Variants in XPO6 observed in about 807,000 individuals in gnomAD.
XPO6 encodes exportin 6.
A neutral mutation model predicts 130.0 loss-of-function variants in XPO6; 3 were observed. The ratio of observed to expected loss-of-function variants is 0.02; its 90% CI spans 0.01 to 0.06. XPO6 has a LOEUF of 0.06. Ranked by LOEUF, XPO6 falls within the 10% of genes least tolerant of loss-of-function variation. The pLI is 1.00. For missense variants in XPO6, 970 were observed against 1,393.0 expected, an observed-to-expected ratio of 0.70 and a Z score of 4.83; for synonymous variants, 524 against 548.9, an observed-to-expected ratio of 0.95 and a Z score of 0.63.
intron 9 of XPO6, among the ~76,000 whole-genome samples, chr16:28,141,916 C>T (rs576707355): frequency 1.4e-4 from 21 of 152,362 alleles, no homozygotes; most frequent in African/African-American, 4.8e-4. Context: ...GCCAAGATCG[C>T]GCCACTGCGC....
At chr16:28,119,321 G>A (rs961667886) in intron 14 of XPO6, among the ~76,000 whole-genome samples, 2 of 151,798 alleles carry the variant, frequency 1.3e-5, no homozygotes, top group African/African-American at 4.8e-5. Flanking sequence ...GTCCAGCCTA[G>A]ACACCATTTT....
intron 5 of XPO6, among the ~76,000 whole-genome samples, chr16:28,167,480 C>T (rs1426952096): frequency 1.3e-5 from 2 of 152,202 alleles, no homozygotes; most frequent in Non-Finnish European, 2.9e-5. Context: ...AACCTCTGAC[C>T]TGCTCTCCTC....
Position 28,186,573 on chromosome 16 carries a change from T to C in XPO6, c.4-5542A>G, listed in dbSNP as rs1193795155. On this transcript the variant is annotated intron_variant, in intron 1 of 23. Transcript: ENST00000304658. ...TTTGTAGAGCCTGGGTCTTGCTCTG[T>C]TGCCGAGGTTGGGGTTGAACACCTG... Among the ~76,000 whole-genome samples, 4 of 151,976 alleles carry C rather than the reference T, an allele frequency of 2.6e-5. No individual in the cohort carries two copies. In the East Asian group the frequency reaches 7.7e-4, roughly 29 times the overall value.
chr16:28,139,905 C>CT (rs2042854788), intron 9 of XPO6, among the ~76,000 whole-genome samples: 1 of 152,216 alleles, frequency 6.6e-6, no homozygotes, highest in African/African-American at 2.4e-5. Flanking sequence ...ATTCACCCCC[C>CT]TCTCAGTAAC....
chr16:28,153,958 G>A (rs1466335073), intron 7 of XPO6: 7 of 985,178 alleles, frequency 7.1e-6, no homozygotes, highest in African/African-American at 1.7e-5. Context: ...ATGCGGCCGA[G>A]CTTATTTGCA....
intron 1 of XPO6, among the ~76,000 whole-genome samples, chr16:28,194,844 C>G (rs1285787268): frequency 2.0e-5 from 3 of 151,902 alleles, no homozygotes; most frequent in Admixed American, 6.6e-5. Flanking sequence ...CCTAACCTAG[C>G]TGACTTACTG....
intron 5 of XPO6, among the ~76,000 whole-genome samples, chr16:28,168,024 G>A (rs186673771): frequency 6.6e-6 from 1 of 152,246 alleles, no homozygotes; most frequent in Admixed American, 6.5e-5. Flanking sequence ...GGTGAAGGTT[G>A]CACAACCTCA....
intron 5 of XPO6, among the ~76,000 whole-genome samples, chr16:28,168,616 T>A (rs78898716): frequency 2.0e-5 from 3 of 150,578 alleles, no homozygotes; most frequent in Admixed American, 6.6e-5. Flanking sequence ...TTTTTTTTTT[T>A]AAAGAGACAG....
chr16:28,100,449 C>T (rs1389301260), intron 23 of XPO6, among the ~76,000 whole-genome samples: 2 of 152,188 alleles, frequency 1.3e-5, no homozygotes, highest in Non-Finnish European at 2.9e-5. Flanking sequence ...GAGAACAAGT[C>T]CCAAGAAAAG....
intron 2 of XPO6, 78 bp downstream of exon 2, chr16:28,180,863 C>T (rs2043604311): frequency 5.1e-6 from 6 of 1,177,348 alleles, no homozygotes; most frequent in Admixed American, 4.4e-5. Context: ...TGACCAGTCA[C>T]GGCTACGAAC....
Position 28,169,781 on chromosome 16 carries a change from G to A in XPO6, c.534C>T (p.Asp178=), listed in dbSNP as rs768404046. The A allele has an allele frequency of 1.9e-6, 3 of 1,613,920 alleles. No individual in the cohort carries two copies. The highest frequency in any genetic ancestry group is 3.3e-5 in the Admixed American group (2 of 60,000). ...RKEELRKLLL[D]QVQTVLGLLT... ...GTAGCCCAAGCACTGTCTGCACCTG[G>A]TCCAGTAGCAGCTTCCGCAACTCCT... is the stretch of plus-strand genomic sequence containing the variant. The change falls in exon 5 of 24, where the codon GAC becomes GAT. Residue 178 remains aspartate (D), a synonymous_variant. Coordinates refer to ENST00000304658, the MANE Select transcript of XPO6 (RefSeq NM_015171.4).
chr16:28,161,589 A>G (rs1368258222), intron 6 of XPO6, among the ~76,000 whole-genome samples: 1 of 152,136 alleles, frequency 6.6e-6, no homozygotes, highest in Non-Finnish European at 1.5e-5. Flanking sequence ...AAAACAAAAC[A>G]TCTATAATAA....
intron 1 of XPO6, among the ~76,000 whole-genome samples, chr16:28,192,384 T>C (rs1005312918): frequency 1.3e-5 from 2 of 151,880 alleles, no homozygotes; most frequent in African/African-American, 4.8e-5. Flanking sequence ...TCGGTTGCTA[T>C]AAAGTCTCAA....
intron 23 of XPO6, among the ~76,000 whole-genome samples, chr16:28,099,186 AAC>A (rs1263917464): frequency 6.6e-6 from 1 of 152,196 alleles, no homozygotes; most frequent in Non-Finnish European, 1.5e-5. Context: ...AGCAGCAGCA[AAC>A]ACAGTCCCAA....
At chr16:28,119,826 C>T (rs1014739812) in intron 14 of XPO6, among the ~76,000 whole-genome samples, 2 of 152,038 alleles carry the variant, frequency 1.3e-5, no homozygotes, top group African/African-American at 4.8e-5. Flanking sequence ...GAAGGATTTA[C>T]GGGTGAAGTG....
intron 12 of XPO6, chr16:28,126,574 A>C (rs1277228566): frequency 6.6e-6 from 1 of 152,234 alleles, no homozygotes; most frequent in Non-Finnish European, 1.5e-5. Context: ...ATTATTATAA[A>C]TAACAAAGAA....
intron 1 of XPO6, among the ~76,000 whole-genome samples, chr16:28,205,169 C>T (rs1355482374): frequency 6.6e-6 from 1 of 152,022 alleles, no homozygotes; most frequent in African/African-American, 2.4e-5. Context: ...AATAACTGGC[C>T]AGGAAAGTAG....
intron 6 of XPO6, among the ~76,000 whole-genome samples, chr16:28,163,661 C>T (rs542393437): frequency 1.3e-5 from 2 of 152,144 alleles, no homozygotes; most frequent in African/African-American, 2.4e-5. Flanking sequence ...TTTTTAAAGT[C>T]AAGGACATCA....
Position 28,101,115 on chromosome 16 carries a change from G to T in XPO6, c.3276+343C>A. The T allele has an allele frequency of 2.5e-6, 1 of 392,746 alleles. No homozygotes were observed. The highest frequency in any genetic ancestry group is 4.9e-6 in the Non-Finnish European group (1 of 205,042). The allele number at this position is 392,746 out of a possible 1,614,324, so 24.3% of individuals were successfully genotyped here. A position where few individuals can be genotyped will look rare whatever the true frequency, so the allele number is the denominator to read the frequency against. On this transcript the variant is annotated intron_variant, in intron 23 of 23. Transcript: ENST00000304658. This position sits in a 1 kb window ranked among gnomAD's most constrained non-coding sequence, Gnocchi z 5.4. ...AATGCAAGCCTGGGCACACTCCAAT[G>T]CTGGCCCCACCGGGGCTCATCACCC...
Sources: allele counts gnomAD v4.1 joint callset (sites outside exome capture counted in the v4.1 genomes callset), GRCh38; gene constraint gnomAD v4.1.1; non-coding constraint Gnocchi (gnomAD v3.1); transcripts MANE v1.5; gene names NCBI Gene and HGNC (gene_info 2026-07-23, HGNC 2026-07-21).